Variants in SCAF4 observed in about 807,000 individuals in gnomAD.
The protein encoded by SCAF4 is SR-related and CTD-associated factor 4.
A neutral mutation model predicts 129.8 loss-of-function variants in SCAF4; 25 were observed. That is an observed-to-expected ratio of 0.19 (90% CI 0.14 to 0.27). SCAF4 has a LOEUF of 0.27. SCAF4 is among the 10% of genes least tolerant of loss of function. The pLI, the probability that SCAF4 is intolerant of heterozygous loss-of-function variation, is 1.00. For synonymous variants in SCAF4, 551 were observed against 497.7 expected, an observed-to-expected ratio of 1.11 and a Z score of -1.43; for missense variants, 1,246 against 1,457.1, an observed-to-expected ratio of 0.86 and a Z score of 2.36.
At chr21:31,722,101 G>C (rs374812533) in intron 1 of SCAF4, among the ~76,000 whole-genome samples, 14 of 152,046 alleles carry the variant, frequency 9.2e-5, no homozygotes, top group African/African-American at 2.7e-4. Context: ...AAGTTTTAAG[G>C]GGTTGCTGTG....
At chr21:31,724,698 T>A (rs560486471) in intron 1 of SCAF4, among the ~76,000 whole-genome samples, 1 of 152,196 alleles carries the variant, frequency 6.6e-6, no homozygotes, top group Non-Finnish European at 1.5e-5. Flanking sequence ...CTACAATTTT[T>A]ACAGTGGCTT....
At chr21:31,703,651 G>A in intron 4 of SCAF4, 114 bp downstream of exon 4, 2 of 565,628 alleles carry the variant, frequency 3.5e-6, no homozygotes, top group Non-Finnish European at 6.0e-6. Context: ...CAAGCTCACA[G>A]ACATCGCTAC....
chr21:31,711,434 G>T (rs760031586), intron 1 of SCAF4, among the ~76,000 whole-genome samples: 2 of 152,166 alleles, frequency 1.3e-5, no homozygotes, highest in East Asian at 3.9e-4. Context: ...GATATGAATT[G>T]ATATACTTTC....
At chr21:31,730,845 G>C (rs71321400) in intron 1 of SCAF4, among the ~76,000 whole-genome samples, 1 of 152,160 alleles carries the variant, frequency 6.6e-6, no homozygotes, top group Non-Finnish European at 1.5e-5. Context: ...GTTTGGAGAG[G>C]TTTTCACATG....
Position 31,685,178 on chromosome 21 carries a change from T to A in SCAF4, c.2359A>T (p.Thr787Ser), listed in dbSNP as rs761389706. ...KDLSIGNPIP[T>S]VVSGARGNAE... is the part of the protein sequence containing the mutation. ...TTTCCTCTAGCCCCAGACACCACTG[T>A]TGGAATGGGATTTCCAATAGATAAG... is the stretch of plus-strand genomic sequence containing the variant. Residue 787 changes from threonine (T) to serine (S), a missense_variant, in exon 19 of 20, where the codon ACA becomes TCA. Physicochemically the swap from Thr to Ser is moderately conservative, Grantham distance 58. This residue lies in a region of SCAF4 where 468 missense variants were observed against 605.5 expected (regional missense o/e 0.77). Coordinates refer to ENST00000286835, the MANE Select transcript of SCAF4 (RefSeq NM_020706.2). The A allele has an allele frequency of 1.2e-6, 2 of 1,612,676 alleles. No homozygotes were observed. The highest frequency in any genetic ancestry group is 3.3e-5 in the Admixed American group (2 of 60,030).
At chr21:31,701,627 CCTA>C (rs1403870427) in intron 6 of SCAF4, 146 bp downstream of exon 6, 5 of 761,168 alleles carry the variant, frequency 6.6e-6, no homozygotes, top group Non-Finnish European at 9.9e-6. Context: ...CCCTGTTCCT[CCTA>C]CATTACTTCT....
intron 19 of SCAF4, among the ~76,000 whole-genome samples, chr21:31,681,799 C>T (rs2050001113): frequency 6.6e-6 from 1 of 152,212 alleles, no homozygotes; most frequent in Admixed American, 6.5e-5. Context: ...AACACCCGCA[C>T]TTAAGTCTGA....
At chr21:31,680,727 T>C (rs1240310574) in intron 19 of SCAF4, among the ~76,000 whole-genome samples, 3 of 152,242 alleles carry the variant, frequency 2.0e-5, no homozygotes, top group Non-Finnish European at 4.4e-5. Context: ...GGCTAACTAG[T>C]GCATTACTAG....
Position 31,684,955 on chromosome 21 carries a change from C to T in SCAF4, c.2488+94G>A, listed in dbSNP as rs1302718826. ...TTGGAAATAATTTTACCAAAATTAA[C>T]ATTGTTTTTTTAAAAAAATCTAACT... On this transcript the variant is annotated intron_variant, in intron 19 of 19. Coordinates refer to ENST00000286835, the MANE Select transcript of SCAF4 (RefSeq NM_020706.2). 6.7e-6 allele frequency: 4 copies of T among 594,840 alleles called. No homozygotes were observed. In the East Asian group the frequency reaches 1.2e-4, roughly 18 times the overall value. The allele number at this position is 594,840 out of a possible 1,614,324, so 36.8% of individuals were successfully genotyped here.
intron 19 of SCAF4, among the ~76,000 whole-genome samples, chr21:31,675,997 T>C (rs2049845276): frequency 6.6e-6 from 1 of 152,196 alleles, no homozygotes; most frequent in Non-Finnish European, 1.5e-5. Context: ...ATAGGGTGGC[T>C]TTCTGTCAAG....
At chr21:31,693,160 A>G (rs1370599103) in intron 12 of SCAF4, 134 bp downstream of exon 12, 2 of 645,680 alleles carry the variant, frequency 3.1e-6, no homozygotes, top group Admixed American at 7.8e-5. Context: ...ACAAGGCACA[A>G]GAAAGCAATA....
intron 19 of SCAF4, among the ~76,000 whole-genome samples, chr21:31,682,298 G>C (rs1269208503): frequency 6.6e-6 from 1 of 151,602 alleles, no homozygotes; most frequent in Non-Finnish European, 1.5e-5. Context: ...AGAATCGCTT[G>C]AACTTGGGAG....
chr21:31,710,580 A>G (rs1387114308), intron 1 of SCAF4, among the ~76,000 whole-genome samples: 1 of 152,124 alleles, frequency 6.6e-6, no homozygotes, highest in African/African-American at 2.4e-5. Flanking sequence ...CAAAAAAACC[A>G]CAAAACAGAA....
At chr21:31,717,390 A>C (rs73201533) in intron 1 of SCAF4, among the ~76,000 whole-genome samples, 5,128 of 152,278 alleles carry the variant, frequency 0.034, 130 homozygotes, top group Non-Finnish European at 0.048. Context: ...GAAATACTCT[A>C]AAATGCTAAT....
intron 15 of SCAF4, among the ~76,000 whole-genome samples, chr21:31,690,153 A>G (rs536827978): frequency 6.6e-6 from 1 of 152,192 alleles, no homozygotes; most frequent in African/African-American, 2.4e-5. Flanking sequence ...TGGACATCTA[A>G]AACTTTCCAA....
At chr21:31,674,991 G>A (rs1045022213) in intron 19 of SCAF4, among the ~76,000 whole-genome samples, 10 of 152,156 alleles carry the variant, frequency 6.6e-5, no homozygotes, top group South Asian at 6.2e-4. Context: ...GGCAGTCATC[G>A]GGGGTGTCTG....
chr21:31,724,530 A>G (rs1439136017), intron 1 of SCAF4, among the ~76,000 whole-genome samples: 2 of 152,234 alleles, frequency 1.3e-5, no homozygotes, highest in East Asian at 1.9e-4. Flanking sequence ...AATGTTATGA[A>G]TAACACTAAA....
At position 31,671,932 on chromosome 21, in the gene SCAF4, G is replaced by C; in HGVS notation, c.2911C>G (p.Gln971Glu). The change falls in exon 20 of 20, where the codon CAA becomes GAA. Residue 971 changes from glutamine to glutamate, a missense_variant. Coordinates refer to ENST00000286835, the MANE Select transcript of SCAF4 (RefSeq NM_020706.2). ...TGCTGCTGTGTTGGTGGAGGCTGTT[G>C]TGATGGTGGTGGCTGCTGCTGCTGC... is the stretch of plus-strand genomic sequence containing the variant. ...QQQQQQPPPS[Q>E]QPPPTQQQPQ... 1 of 1,611,312 alleles carries C rather than the reference G, an allele frequency of 6.2e-7. No individual in the cohort carries two copies. Among genetic ancestry groups the C allele is most frequent in the Non-Finnish European group, 8.5e-7 (1 of 1,177,758 alleles).
chr21:31,712,807 G>C (rs1023643232), intron 1 of SCAF4: 10 of 759,086 alleles, frequency 1.3e-5, no homozygotes, highest in South Asian at 6.0e-5. Flanking sequence ...TGGGATTACA[G>C]GCGTGAGCCA....
Sources: gnomAD v4.1 joint callset for allele counts (sites outside exome capture counted in the v4.1 genomes callset) on GRCh38, gnomAD v4.1.1 for gene constraint, gnomAD v4.1.1 regional missense constraint, MANE v1.5 for transcripts, NCBI Gene and HGNC (gene_info 2026-07-23, HGNC 2026-07-21) for gene names.